ANKRD30A: variants seen among roughly 807,000 people sequenced by gnomAD.
ANKRD30A encodes the protein ankyrin repeat domain-containing protein 30A.
In ANKRD30A, 170 loss-of-function variants were observed where a neutral mutation model predicts 166.3. The ratio of observed to expected loss-of-function variants is 1.02; its 90% CI spans 0.90 to 1.16. ANKRD30A has a LOEUF of 1.16. ANKRD30A is among the 50% of genes most tolerant of loss of function. ANKRD30A has a pLI of 0.00. For synonymous variants in ANKRD30A, 564 were observed against 508.9 expected, an observed-to-expected ratio of 1.11 and a Z score of -1.46; for missense variants, 1,630 against 1,518.0, an observed-to-expected ratio of 1.07 and a Z score of -1.23.
chr10:37,160,397 T>G (rs1230280856), intron 15 of ANKRD30A, among the ~76,000 whole-genome samples: 6 of 152,210 alleles, frequency 3.9e-5, no homozygotes, highest in Non-Finnish European at 7.3e-5. Flanking sequence ...TTACACTTTT[T>G]AGAAAATATC....
In ANKRD30A at chr10:37,223,724, G is replaced by A. The variant is rs941082579; in HGVS notation, c.4185+3827G>A. Among the ~76,000 whole-genome samples, 3 of 151,124 alleles carry A rather than the reference G, an allele frequency of 2.0e-5. No individual in the cohort carries two copies. In the Admixed American group the frequency reaches 2.0e-4, roughly 10 times the overall value. The stretch of plus-strand genomic sequence containing the variant: ...TGTATAAACTGCATGTTATAAAACG[G>A]CTTTACACATATATAACTCATGAAC... On this transcript the variant is annotated intron_variant, in intron 34 of 35. Coordinates refer to ENST00000361713, the MANE Select transcript of ANKRD30A (RefSeq NM_052997.3).
At chr10:37,250,861 C>T in the ANKRD30A span, among the ~76,000 whole-genome samples, 1 of 152,162 alleles carries the variant, frequency 6.6e-6, no homozygotes, top group African/African-American at 2.4e-5. Flanking sequence ...TATTTTGTTA[C>T]AGTAGATCAG....
intron 8 of ANKRD30A, among the ~76,000 whole-genome samples, chr10:37,146,160 C>CA (rs1034034749): frequency 9.9e-5 from 15 of 152,198 alleles, no homozygotes; most frequent in Admixed American, 3.9e-4. Flanking sequence ...TGTCCATAGA[C>CA]AAAAAAAGAC....
At chr10:37,191,663 T>C (rs1840587681) in intron 25 of ANKRD30A, among the ~76,000 whole-genome samples, 1 of 152,136 alleles carries the variant, frequency 6.6e-6, no homozygotes, top group East Asian at 1.9e-4. Flanking sequence ...ACAGCAACTT[T>C]TTAATTTTTG....
At chr10:37,179,013 AATATATATATATATATATATATATAT>A (rs139390228) in intron 24 of ANKRD30A, among the ~76,000 whole-genome samples, 1,382 of 116,892 alleles carry the variant, frequency 0.012, 9 homozygotes, top group African/African-American at 0.019. Context: ...TGAGGCGTCA[AATATATATATATATATATATATATAT>A]ATATATATAT....
At chr10:37,152,920 T>G (rs1426805555) in intron 12 of ANKRD30A, among the ~76,000 whole-genome samples, 2 of 152,142 alleles carry the variant, frequency 1.3e-5, no homozygotes, top group Admixed American at 6.5e-5. Flanking sequence ...ACAAAAAGAC[T>G]TTAACACTTG....
At chr10:37,141,605 A>T in intron 6 of ANKRD30A, 113 bp from the exon 7 acceptor site, 41 of 1,313,058 alleles carry the variant, frequency 3.1e-5, no homozygotes, top group Non-Finnish European at 3.6e-5. Flanking sequence ...AGAAAAGAAA[A>T]GTTTGGTAGT....
At chr10:37,241,949 G>A in the ANKRD30A span, 1 of 152,114 alleles carries the variant, frequency 6.6e-6, no homozygotes, top group Non-Finnish European at 1.5e-5. Flanking sequence ...TTTCCTTAGT[G>A]GGTATTCCTA....
At chr10:37,179,064 A>G (rs1839988577) in intron 24 of ANKRD30A, among the ~76,000 whole-genome samples, 1 of 100,988 alleles carries the variant, frequency 9.9e-6, no homozygotes. Flanking sequence ...ATATATATAT[A>G]GATGTGTGCA....
At chr10:37,218,259 G>T (rs1010376365) in intron 33 of ANKRD30A, among the ~76,000 whole-genome samples, 9 of 150,834 alleles carry the variant, frequency 6.0e-5, no homozygotes, top group African/African-American at 2.2e-4. Context: ...TCTATGTAGG[G>T]CTCTCTAGAT....
the ANKRD30A span, among the ~76,000 whole-genome samples, chr10:37,259,976 CAGTGGGAACCTGGG>C: frequency 1.3e-5 from 2 of 151,954 alleles, no homozygotes; most frequent in Non-Finnish European, 2.9e-5. Flanking sequence ...ATATATAATT[CAGTGGGAACCTGGG>C]AGGATAGGGA....
At chr10:37,228,876 G>A (rs2132763064) in intron 34 of ANKRD30A, among the ~76,000 whole-genome samples, 1 of 151,872 alleles carries the variant, frequency 6.6e-6, no homozygotes, top group Non-Finnish European at 1.5e-5. Flanking sequence ...TCTTTTTATT[G>A]TTTCCTAACA....
downstream of ANKRD30A, among the ~76,000 whole-genome samples, chr10:37,234,950 T>A (rs1053397251): frequency 1.2e-4 from 18 of 152,148 alleles, no homozygotes; most frequent in Admixed American, 9.8e-4. Context: ...ACTGCGCTTT[T>A]TCCACAGTGT....
the ANKRD30A span, among the ~76,000 whole-genome samples, chr10:37,252,616 T>G: frequency 6.6e-6 from 1 of 152,144 alleles, no homozygotes; most frequent in African/African-American, 2.4e-5. Flanking sequence ...AAGTTATCTT[T>G]TTTAGTCTTT....
intron 35 of ANKRD30A, among the ~76,000 whole-genome samples, chr10:37,232,251 A>T (rs1458157241): frequency 1.1e-4 from 16 of 151,964 alleles, no homozygotes; most frequent in African/African-American, 3.4e-4. Context: ...TTTTTTTAAC[A>T]CAAGACTGGA....
rs1367731899 is a variant in ANKRD30A, at chr10:37,216,683, G to A, written c.3083+289G>A. Among the ~76,000 whole-genome samples, 3 of 151,006 alleles carry A rather than the reference G, an allele frequency of 2.0e-5. No homozygotes were observed. In the Admixed American group the frequency reaches 2.0e-4, roughly 10 times the overall value. ...TAAGTTTTTTGATTTTTAACTTTCT[G>A]TATTATAAATGCTGCAAGGCATAAC... On this transcript the variant is annotated intron_variant, in intron 32 of 35. Coordinates refer to ENST00000361713, the MANE Select transcript of ANKRD30A (RefSeq NM_052997.3).
At chr10:37,224,788 A>G (rs1843068460) in intron 34 of ANKRD30A, among the ~76,000 whole-genome samples, 4 of 151,502 alleles carry the variant, frequency 2.6e-5, no homozygotes, top group Admixed American at 6.6e-5. Flanking sequence ...AAGTCTTCAC[A>G]TGATCTCTCT....
the ANKRD30A span, among the ~76,000 whole-genome samples, chr10:37,244,821 G>T: frequency 6.6e-6 from 1 of 152,192 alleles, no homozygotes; most frequent in South Asian, 2.1e-4. Flanking sequence ...ATTCAGGGGT[G>T]CTCTCACTTG....
At chr10:37,255,449 A>G in the ANKRD30A span, among the ~76,000 whole-genome samples, 1 of 152,226 alleles carries the variant, frequency 6.6e-6, no homozygotes, top group Admixed American at 6.5e-5. Flanking sequence ...TGGTTCTATG[A>G]TTAATGTTAC....
Sources: gnomAD v4.1 joint callset for allele counts (sites outside exome capture counted in the v4.1 genomes callset) on GRCh38, gnomAD v4.1.1 for gene constraint, MANE v1.5 for transcripts, NCBI Gene and HGNC (gene_info 2026-07-23, HGNC 2026-07-21) for gene names.